The following TMCO6 variants were observed in gnomAD, a reference collection of about 807,000 sequenced individuals.
TMCO6 encodes transmembrane and coiled-coil domains 6.
TMCO6 carries 47 observed loss-of-function variants against 61.8 expected under a neutral mutation model. The ratio of observed to expected loss-of-function variants is 0.76; its 90% CI spans 0.60 to 0.97. The LOEUF (loss-of-function observed/expected upper bound fraction) is 0.97, where lower values mean the gene tolerates loss of function less well. TMCO6 is among the 50% of genes least tolerant of loss of function. The pLI is 0.00. For missense variants in TMCO6, 557 were observed against 601.6 expected (o/e 0.93, Z 0.78); for synonymous variants, 261 against 254.2 (o/e 1.03, Z -0.25).
At chr5:140,605,922 T>G in the TMCO6 span, among the ~76,000 whole-genome samples, 1 of 152,192 alleles carries the variant, frequency 6.6e-6, no homozygotes, top group Non-Finnish European at 1.5e-5. Flanking sequence ...GAGGCAGTTT[T>G]GGCAATAAGT....
chr5:140,606,182 T>C, the TMCO6 span, among the ~76,000 whole-genome samples: 11 of 149,488 alleles, frequency 7.4e-5, no homozygotes, highest in Non-Finnish European at 1.6e-4. Context: ...TTTTTTTTTT[T>C]TCCAGGGTCT....
chr5:140,639,638 G>A (rs1204559401), intron 1 of TMCO6, 26 bp downstream of exon 1: 13 of 1,538,946 alleles, frequency 8.4e-6, no homozygotes, highest in Non-Finnish European at 1.1e-5. Context: ...GGAGCGCGGG[G>A]GTATATGGCG....
At chr5:140,610,822 C>A in the TMCO6 span, among the ~76,000 whole-genome samples, 17 of 152,130 alleles carry the variant, frequency 1.1e-4, no homozygotes, top group African/African-American at 3.4e-4. Flanking sequence ...CAAAAGCAGT[C>A]TTTTACTATT....
At chr5:140,608,447 AG>A in the TMCO6 span, among the ~76,000 whole-genome samples, 1 of 152,152 alleles carries the variant, frequency 6.6e-6, no homozygotes, top group South Asian at 2.1e-4. Flanking sequence ...CCCATTTTGT[AG>A]GTTGTCTTTT....
the TMCO6 span, among the ~76,000 whole-genome samples, chr5:140,608,573 A>G: frequency 6.6e-6 from 1 of 152,244 alleles, no homozygotes; most frequent in African/African-American, 2.4e-5. Context: ...ATCCACTGCT[A>G]AATCAAAGGC....
In TMCO6 at chr5:140,642,776, T is replaced by C. The variant is rs1757121450; in HGVS notation, c.689+105T>C. 5.1e-6 allele frequency: 8 copies of C among 1,582,392 alleles called. 1 individual carries two copies. Among genetic ancestry groups the C allele is most frequent in the South Asian group, 2.2e-5 (2 of 89,892 alleles). ...AAAGCTGTTGCACATTTTAAATTCA[T>C]GTGTCTGGCTAGGAAGGGCTTTGGG... is the stretch of plus-strand genomic sequence containing the variant. On this transcript the variant is annotated intron_variant, in intron 6 of 11. Coordinates refer to ENST00000394671, the MANE Select transcript of TMCO6 (RefSeq NM_018502.5).
In TMCO6 at chr5:140,639,869, G is replaced by T; in HGVS notation, c.198+18G>T. ...AAACCGAGGTGAGGGGGCAAGGTAG[G>T]GTGCGCTGGAGTCCACGCCCGCTGG... On this transcript the variant is annotated intron_variant, in intron 2 of 11. Coordinates refer to ENST00000394671, the MANE Select transcript of TMCO6 (RefSeq NM_018502.5). 6.3e-7 allele frequency: 1 copy of T among 1,586,096 alleles called. No individual in the cohort carries two copies.
At position 140,639,591 on chromosome 5, in the gene TMCO6, C is replaced by A; in HGVS notation, c.64C>A (p.Arg22Ser). 1 of 1,544,120 alleles carries A rather than the reference C, an allele frequency of 6.5e-7. No individual in the cohort carries two copies. The highest frequency in any genetic ancestry group is 8.7e-7 in the Non-Finnish European group (1 of 1,143,740). ...CTGCGGGGTGGAGGAGCTACGGCGC[C>A]GCCGGCGGGAGCGGGAGGCAGGTGT... ...TVCGVEELRR[R>S]RREREAALRK... The change falls in exon 1 of 12, where the codon CGC (arginine) becomes AGC (serine). Residue 22 changes from arginine to serine, a missense_variant. Arg to Ser is a moderately radical substitution (Grantham distance 110). Coordinates refer to ENST00000394671, the MANE Select transcript of TMCO6 (RefSeq NM_018502.5).
chr5:140,632,742 T>C, the TMCO6 span: 3 of 1,613,604 alleles, frequency 1.9e-6, no homozygotes, highest in African/African-American at 1.3e-5. The surrounding 1 kb of genome is among the most constrained non-coding windows in gnomAD (Gnocchi z 6.2). Context: ...GTCAGCATAC[T>C]GCCGCGGGTC....
chr5:140,632,149 T>C, the TMCO6 span: 1 of 1,614,130 alleles, frequency 6.2e-7, no homozygotes, highest in Non-Finnish European at 8.5e-7. This position sits in a 1 kb window ranked among gnomAD's most constrained non-coding sequence, Gnocchi z 6.2. Flanking sequence ...TTGAGGGAGT[T>C]CAGGGCGCTG....
chr5:140,617,967 A>G, the TMCO6 span, among the ~76,000 whole-genome samples: 2 of 152,174 alleles, frequency 1.3e-5, no homozygotes, highest in South Asian at 4.1e-4. Flanking sequence ...CCAACATAAT[A>G]TTGAACGGGA....
At chr5:140,621,620 A>G in the TMCO6 span, among the ~76,000 whole-genome samples, 1 of 152,252 alleles carries the variant, frequency 6.6e-6, no homozygotes, top group Non-Finnish European at 1.5e-5. Flanking sequence ...GCAATTGTTC[A>G]GGGAATAAGA....
chr5:140,631,842 T>A, the TMCO6 span: 1 of 1,527,810 alleles, frequency 6.5e-7, no homozygotes, highest in Non-Finnish European at 8.8e-7. Context: ...CCATTCATTA[T>A]TCTGTCTTGG....
At chr5:140,620,037 C>T in the TMCO6 span, among the ~76,000 whole-genome samples, 5 of 152,230 alleles carry the variant, frequency 3.3e-5, no homozygotes, top group South Asian at 2.1e-4. Context: ...CCAGCAACCA[C>T]ATTCCTTGGT....
chr5:140,642,716 C>T (rs1001231519), intron 6 of TMCO6, 45 bp downstream of exon 6: 1 of 1,600,726 alleles, frequency 6.2e-7, no homozygotes, highest in Non-Finnish European at 8.6e-7. Context: ...GTGACCCACT[C>T]AGTAGTATAG....
the TMCO6 span, among the ~76,000 whole-genome samples, chr5:140,629,770 C>A: frequency 6.6e-6 from 1 of 151,542 alleles, no homozygotes; most frequent in South Asian, 2.1e-4. Context: ...CCTGTCTCTA[C>A]GAAAAATACA....
At chr5:140,621,355 T>C in the TMCO6 span, among the ~76,000 whole-genome samples, 1 of 152,216 alleles carries the variant, frequency 6.6e-6, no homozygotes, top group South Asian at 2.1e-4. Flanking sequence ...TTAATACTTT[T>C]ATAATTTCTT....
At chr5:140,637,754 A>G (rs770097465), upstream of TMCO6, among the ~76,000 whole-genome samples, 1 of 152,158 alleles carries the variant, frequency 6.6e-6, no homozygotes, top group East Asian at 1.9e-4. Context: ...CTTTATCTTA[A>G]CCCAGACATT....
the TMCO6 span, among the ~76,000 whole-genome samples, chr5:140,618,206 G>T: frequency 6.6e-6 from 1 of 152,178 alleles, no homozygotes; most frequent in Non-Finnish European, 1.5e-5. Context: ...GAGGTGGATG[G>T]ATCACTTGAG....
Sources: allele counts gnomAD v4.1 joint callset (sites outside exome capture counted in the v4.1 genomes callset), GRCh38; gene constraint gnomAD v4.1.1; non-coding constraint Gnocchi (gnomAD v3.1); transcripts MANE v1.5; gene names NCBI Gene and HGNC (gene_info 2026-07-23, HGNC 2026-07-21).